PRELID2: variants seen among roughly 807,000 people sequenced by gnomAD.
PRELID2 encodes PRELI domain-containing protein 2.
In PRELID2, 25 loss-of-function variants were observed where a neutral mutation model predicts 28.4. The observed-to-expected ratio is 0.88, with a 90% confidence interval of 0.64 to 1.23. The LOEUF (loss-of-function observed/expected upper bound fraction) is 1.23. Ranked by LOEUF, PRELID2 falls within the 50% of genes most tolerant of loss-of-function variation. The pLI, the probability that PRELID2 is intolerant of heterozygous loss-of-function variation, is 0.00. For missense variants in PRELID2, 201 were observed against 214.4 expected (o/e 0.94, Z 0.39); for synonymous variants, 76 against 71.6 (o/e 1.06, Z -0.31).
At chr5:145,487,179 C>T (rs1358249105) in intron 1 of PRELID2, among the ~76,000 whole-genome samples, 4 of 148,960 alleles carry the variant, frequency 2.7e-5, no homozygotes, top group African/African-American at 9.9e-5. Context: ...CAGCATGGCA[C>T]ATGTATACAT....
At chr5:145,483,766 C>T (rs1752187849) in intron 1 of PRELID2, among the ~76,000 whole-genome samples, 1 of 152,196 alleles carries the variant, frequency 6.6e-6, no homozygotes, top group South Asian at 2.1e-4. Context: ...AACCTATGTC[C>T]TTACCTATCA....
the PRELID2 span, among the ~76,000 whole-genome samples, chr5:145,271,667 C>T: frequency 6.6e-6 from 1 of 152,130 alleles, no homozygotes; most frequent in Non-Finnish European, 1.5e-5. Context: ...GTTTTGCCCT[C>T]CTTCCTGGTT....
the PRELID2 span, among the ~76,000 whole-genome samples, chr5:145,460,985 T>C: frequency 6.6e-6 from 1 of 152,218 alleles, no homozygotes; most frequent in Admixed American, 6.5e-5. Flanking sequence ...GATTGAGTCA[T>C]TTTTACTTTA....
intron 5 of PRELID2, among the ~76,000 whole-genome samples, chr5:145,794,026 G>A (rs1349265798): frequency 2.6e-5 from 4 of 152,080 alleles, no homozygotes; most frequent in African/African-American, 4.8e-5. Flanking sequence ...GGAGGCCAAC[G>A]AGAGTCCCTC....
the PRELID2 span, among the ~76,000 whole-genome samples, chr5:145,390,873 G>C: frequency 6.6e-6 from 1 of 152,158 alleles, no homozygotes; most frequent in Non-Finnish European, 1.5e-5. Flanking sequence ...TTCCAAATGA[G>C]AGAAATTAGC....
At chr5:145,727,929 A>C (rs1218474084) in intron 1 of PRELID2, among the ~76,000 whole-genome samples, 1 of 152,232 alleles carries the variant, frequency 6.6e-6, no homozygotes, top group African/African-American at 2.4e-5. Flanking sequence ...CACAACTGTG[A>C]ATCCAAAAGG....
the PRELID2 span, among the ~76,000 whole-genome samples, chr5:145,256,869 A>G: frequency 6.6e-5 from 10 of 151,978 alleles, no homozygotes; most frequent in African/African-American, 2.2e-4. Flanking sequence ...CAGACAAACT[A>G]GAATTGAATT....
intron 1 of PRELID2, among the ~76,000 whole-genome samples, chr5:145,615,028 G>A (rs1407448656): frequency 6.6e-6 from 1 of 152,066 alleles, no homozygotes; most frequent in African/African-American, 2.4e-5. Flanking sequence ...CTATTATTGT[G>A]TTGCTGTCTG....
At chr5:145,728,953 C>G (rs1756254604) in intron 1 of PRELID2, 3 of 786,812 alleles carry the variant, frequency 3.8e-6, no homozygotes, top group Non-Finnish European at 7.0e-6. Flanking sequence ...ACCACAGCAA[C>G]TGCACAAAGA....
At chr5:145,408,567 T>C in the PRELID2 span, among the ~76,000 whole-genome samples, 1 of 150,270 alleles carries the variant, frequency 6.7e-6, no homozygotes, top group Non-Finnish European at 1.5e-5. Context: ...AATAACAACT[T>C]AGAGAAATGC....
chr5:145,249,767 G>A, the PRELID2 span, among the ~76,000 whole-genome samples: 343 of 152,114 alleles, frequency 2.3e-3, no homozygotes, highest in Non-Finnish European at 3.6e-3. Flanking sequence ...ATGCCTAAAG[G>A]GATATTATGA....
chr5:145,334,574 A>T, the PRELID2 span, among the ~76,000 whole-genome samples: 1 of 152,210 alleles, frequency 6.6e-6, no homozygotes, highest in Non-Finnish European at 1.5e-5. Context: ...TACTTGTATC[A>T]GTGAACCTAA....
At position 145,643,481 on chromosome 5, in the gene PRELID2, T is replaced by C. The variant is rs1272573807; in HGVS notation, n.70+121450A>G. 2.6e-5 allele frequency among the ~76,000 whole-genome samples: 4 copies of C among 152,212 alleles called. No homozygotes were observed. In the South Asian group the frequency reaches 6.2e-4, roughly 24 times the overall value. On this transcript the variant is annotated intron_variant and non_coding_transcript_variant, in intron 1 of 2. Coordinates refer to the PRELID2 transcript ENST00000510259. ...AAACATAGATAATTTGACTTCCTCTTTTCCTATTGGAATACCTTTTATTTC... is the reference window on the plus strand; with the variant it reads ...AAACATAGATAATTTGACTTCCTCTCTTCCTATTGGAATACCTTTTATTTC...
At chr5:145,692,857 C>A (rs1310343799) in intron 1 of PRELID2, among the ~76,000 whole-genome samples, 1 of 152,092 alleles carries the variant, frequency 6.6e-6, no homozygotes, top group Non-Finnish European at 1.5e-5. Context: ...AATTTTTATC[C>A]TGAATTTTCC....
chr5:145,449,735 C>T, the PRELID2 span, among the ~76,000 whole-genome samples: 1 of 152,214 alleles, frequency 6.6e-6, no homozygotes, highest in South Asian at 2.1e-4. Flanking sequence ...CTGCTCCATA[C>T]TCTGAAGGCT....
At chr5:145,452,400 A>G in the PRELID2 span, among the ~76,000 whole-genome samples, 6 of 152,134 alleles carry the variant, frequency 3.9e-5, no homozygotes, top group African/African-American at 9.7e-5. Context: ...GCTTCCACAC[A>G]TGATATCTCT....
the PRELID2 span, among the ~76,000 whole-genome samples, chr5:145,386,446 G>A: frequency 6.6e-6 from 1 of 152,038 alleles, no homozygotes; most frequent in Non-Finnish European, 1.5e-5. Flanking sequence ...GAGATCTGAT[G>A]GTTTCATAGG....
At chr5:145,626,232 A>G (rs1320544608) in intron 1 of PRELID2, among the ~76,000 whole-genome samples, 1 of 152,206 alleles carries the variant, frequency 6.6e-6, no homozygotes, top group Non-Finnish European at 1.5e-5. Context: ...TAACCAACAG[A>G]GTAAGCAGAT....
the PRELID2 span, among the ~76,000 whole-genome samples, chr5:145,408,588 G>A: frequency 6.6e-6 from 1 of 150,848 alleles, no homozygotes; most frequent in Non-Finnish European, 1.5e-5. Flanking sequence ...AAAATACAAG[G>A]GATAGAATAG....
Sources: gnomAD v4.1 joint callset for allele counts (sites outside exome capture counted in the v4.1 genomes callset) on GRCh38, gnomAD v4.1.1 for gene constraint, MANE v1.5 for transcripts, NCBI Gene and HGNC (gene_info 2026-07-23, HGNC 2026-07-21) for gene names.